POLR1E: variants seen among roughly 807,000 people sequenced by gnomAD.
POLR1E encodes RNA polymerase I subunit E, also known as DNA-directed RNA polymerase I subunit RPA49.
In POLR1E, 37 loss-of-function variants were observed where a neutral mutation model predicts 50.9. That is an observed-to-expected ratio of 0.73 (90% CI 0.56 to 0.96). The LOEUF (loss-of-function observed/expected upper bound fraction) is 0.96, where lower values mean the gene tolerates loss of function less well. Ranked by LOEUF, POLR1E falls within the 40% of genes least tolerant of loss-of-function variation. The pLI, the probability that POLR1E is intolerant of heterozygous loss-of-function variation, is 0.00. For missense variants in POLR1E, 426 were observed against 518.1 expected (o/e 0.82, Z 1.73); for synonymous variants, 166 against 191.6 (o/e 0.87, Z 1.10).
chr9:37,493,846 C>G, intron 6 of POLR1E, 143 bp downstream of exon 6: 2 of 847,730 alleles, frequency 2.4e-6, no homozygotes, highest in Non-Finnish European at 3.4e-6. Context: ...TTCTCACGGA[C>G]AGGTTCTGGA....
At chr9:37,502,910 T>A (rs575084603) in intron 11 of POLR1E, 133 bp from the exon 12 acceptor site, 2 of 960,510 alleles carry the variant, frequency 2.1e-6, no homozygotes, top group South Asian at 3.9e-5. Context: ...GCCAGGGGCT[T>A]TGTGCCTGCT....
At chr9:37,494,221 G>A (rs1386874137) in intron 6 of POLR1E, among the ~76,000 whole-genome samples, 1 of 152,026 alleles carries the variant, frequency 6.6e-6, no homozygotes, top group Non-Finnish European at 1.5e-5. Flanking sequence ...TCTTTTTACC[G>A]ATTTTGGAGA....
Position 37,495,907 on chromosome 9 carries a change from T to A in POLR1E, c.673T>A (p.Tyr225Asn). ...GTAACTAGTTCTTTCCCCTGCGGAGTATGAAGCTCTTCAGAGCCCATCTGA... is the reference window on the plus strand; with the variant it reads ...GTAACTAGTTCTTTCCCCTGCGGAGAATGAAGCTCTTCAGAGCCCATCTGA... Reference protein sequence around the residue: ...KFEDLLSPAEYEALQSPSEAF... With the variant: ...KFEDLLSPAENEALQSPSEAF... The change falls in exon 8 of 12, where the codon TAT (tyrosine) becomes AAT (asparagine). Residue 225 changes from tyrosine (Y) to asparagine (N), a missense_variant. Coordinates refer to ENST00000377798, the MANE Select transcript of POLR1E (RefSeq NM_022490.4). The A allele has an allele frequency of 6.2e-7, 1 of 1,613,414 alleles. No individual in the cohort carries two copies. The highest frequency in any genetic ancestry group is 8.5e-7 in the Non-Finnish European group (1 of 1,179,398).
chr9:37,493,740 A>C (rs1405408811), intron 6 of POLR1E, 37 bp downstream of exon 6: 1 of 1,429,234 alleles, frequency 7.0e-7, no homozygotes, highest in Non-Finnish European at 9.3e-7. Context: ...GTCTGCCCAT[A>C]ATGACAGCTT....
At position 37,496,860 on chromosome 9, in the gene POLR1E, G is replaced by A. The variant is rs532594027; in HGVS notation, c.752+874G>A. 6.6e-5 allele frequency among the ~76,000 whole-genome samples: 10 copies of A among 152,156 alleles called. No individual in the cohort carries two copies. In the South Asian group the frequency reaches 2.1e-3, roughly 32 times the overall value. On this transcript the variant is annotated intron_variant, in intron 8 of 11. Coordinates refer to ENST00000377798, the MANE Select transcript of POLR1E (RefSeq NM_022490.4). ...GATCTTGAAGAGCCTTTTTATCTCT[G>A]TGAGTCCAGGGTCTTGCTAGCAGTA...
At chr9:37,497,989 C>T (rs904737031) in intron 8 of POLR1E, 102 bp from the exon 9 acceptor site, 8 of 1,358,686 alleles carry the variant, frequency 5.9e-6, no homozygotes, top group Admixed American at 2.3e-5. Flanking sequence ...TTGAGTGCGT[C>T]GGGGTGAGAG....
intron 8 of POLR1E, 135 bp from the exon 9 acceptor site, chr9:37,497,956 G>C (rs992901266): frequency 1.6e-5 from 16 of 1,029,566 alleles, no homozygotes; most frequent in Non-Finnish European, 2.1e-5. Context: ...GTCTTGCCTT[G>C]TTGCCCAGGG....
At chr9:37,493,078 T>C (rs905638837) in intron 5 of POLR1E, among the ~76,000 whole-genome samples, 18 of 152,226 alleles carry the variant, frequency 1.2e-4, no homozygotes, top group African/African-American at 4.3e-4. Context: ...GGATTTTCAA[T>C]GTAGAAGGTC....
chr9:37,486,344 G>T (rs1820574155), intron 1 of POLR1E: 2 of 1,403,638 alleles, frequency 1.4e-6, no homozygotes, highest in Non-Finnish European at 1.9e-6. Context: ...CCCCAGAGCT[G>T]TGTCCAGGAC....
chr9:37,494,748 T>G (rs1820754014), intron 6 of POLR1E, among the ~76,000 whole-genome samples: 1 of 152,222 alleles, frequency 6.6e-6, no homozygotes, highest in Admixed American at 6.5e-5. Flanking sequence ...TGCGGAGTTA[T>G]TCTTGTGGGG....
intron 3 of POLR1E, 58 bp from the exon 4 acceptor site, chr9:37,489,257 G>C (rs1003711786): frequency 2.3e-4 from 297 of 1,305,408 alleles, no homozygotes; most frequent in Non-Finnish European, 2.8e-4. Flanking sequence ...AAAGAAAGCT[G>C]TACAAATAAT....
chr9:37,492,850 G>A, intron 5 of POLR1E, 135 bp downstream of exon 5: 2 of 770,200 alleles, frequency 2.6e-6, no homozygotes, highest in South Asian at 3.2e-5. Context: ...CTGTTTCTCT[G>A]GACAATTAGT....
chr9:37,502,956 C>T, intron 11 of POLR1E, 87 bp from the exon 12 acceptor site: 1 of 1,343,632 alleles, frequency 7.4e-7, no homozygotes, highest in Non-Finnish European at 1.0e-6. Flanking sequence ...TGGCCTGGAG[C>T]ATGAATGTGC....
intron 3 of POLR1E, 39 bp downstream of exon 3, chr9:37,487,978 G>T (rs543568284): frequency 6.3e-7 from 1 of 1,596,678 alleles, no homozygotes; most frequent in East Asian, 2.2e-5. Flanking sequence ...GGGTGATGGG[G>T]TTGGGAGTGG....
At position 37,487,960 on chromosome 9, in the gene POLR1E, A is replaced by G. The variant is rs747409260; in HGVS notation, c.257+21A>G. ...TGCAGGTAATGGCAGGGGAAGGGAC[A>G]GTGGGAAGGGTGATGGGGTTGGGAG... On this transcript the variant is annotated intron_variant, in intron 3 of 11. Transcript: ENST00000377798. The G allele has an allele frequency of 3.1e-6, 5 of 1,612,136 alleles. No homozygotes were observed. The South Asian group carries it at 4.4e-5, about 14-fold the overall frequency.
At chr9:37,488,222 G>A (rs1202673746) in intron 3 of POLR1E, among the ~76,000 whole-genome samples, 1 of 152,218 alleles carries the variant, frequency 6.6e-6, no homozygotes. Flanking sequence ...AATTTGGAAT[G>A]TGTGACTAGT....
At position 37,499,848 on chromosome 9, in the gene POLR1E, C is replaced by CT. The variant is rs369146345; in HGVS notation, c.887-980dup. ...GCACCCAGCTTGTATTTGCTTAGTTCTTTTTTTTTTTTCTTTTTTTGAGAC... is the reference window on the plus strand; with the variant it reads ...GCACCCAGCTTGTATTTGCTTAGTTCTTTTTTTTTTTTTCTTTTTTTGAGAC... On this transcript the variant is annotated intron_variant, in intron 9 of 11. Coordinates refer to ENST00000377798, the MANE Select transcript of POLR1E (RefSeq NM_022490.4). Among the ~76,000 whole-genome samples the CT allele has an allele frequency of 1.7e-3, 237 of 135,850 alleles. 1 individual carries two copies. Among genetic ancestry groups the CT allele is most frequent in the Non-Finnish European group, 2.4e-3 (149 of 62,028 alleles). The allele number at this position is 135,850 out of a possible 152,430, so 89.1% of individuals were successfully genotyped here. A position where few individuals can be genotyped will look rare whatever the true frequency, so the allele number is the denominator to read the frequency against.
intron 1 of POLR1E, chr9:37,486,401 C>G (rs753943537): frequency 6.6e-6 from 10 of 1,514,004 alleles, no homozygotes; most frequent in Middle Eastern, 1.7e-4. Flanking sequence ...CCCCATTTCC[C>G]TCTCTTCACT....
intron 9 of POLR1E, 70 bp from the exon 10 acceptor site, chr9:37,500,770 C>G: frequency 2.3e-6 from 3 of 1,322,600 alleles, no homozygotes; most frequent in Non-Finnish European, 3.3e-6. Context: ...GGCCTTTTCT[C>G]TTAGCTCATG....
Sources: gnomAD v4.1 joint callset for allele counts (sites outside exome capture counted in the v4.1 genomes callset) on GRCh38, gnomAD v4.1.1 for gene constraint, MANE v1.5 for transcripts, NCBI Gene and HGNC (gene_info 2026-07-23, HGNC 2026-07-21) for gene names.